Variants in CACNG5 observed in about 807,000 individuals in gnomAD.
CACNG5 encodes calcium voltage-gated channel auxiliary subunit gamma 5.
A neutral mutation model predicts 24.8 loss-of-function variants in CACNG5; 18 were observed. The observed-to-expected ratio is 0.73, with a 90% CI of 0.50 to 1.08. The LOEUF is 1.08. CACNG5 is among the 50% of genes least tolerant of loss of function. CACNG5 has a pLI of 0.00. For synonymous variants in CACNG5, 157 were observed against 149.1 expected (o/e 1.05, Z -0.39); for missense variants, 349 against 367.9 (o/e 0.95, Z 0.42).
chr17:66,859,076 C>G (rs2143068434), intron 1 of CACNG5, among the ~76,000 whole-genome samples: 1 of 152,324 alleles, frequency 6.6e-6, no homozygotes, highest in East Asian at 1.9e-4. Context: ...AGGCGCTCAG[C>G]TGTGCTCAGA....
At chr17:66,882,035 C>A (rs1157162473) in intron 4 of CACNG5, among the ~76,000 whole-genome samples, 1 of 151,910 alleles carries the variant, frequency 6.6e-6, no homozygotes, top group South Asian at 2.1e-4. Flanking sequence ...AATGACCATG[C>A]TGGGGAATGG....
Position 66,892,316 on chromosome 17 carries a change from G to A in CACNG5, c.*7076G>A, listed in dbSNP as rs1173623923. The stretch of plus-strand genomic sequence containing the variant: ...TTTCCCCAAGGAGCTGGTATTCACT[G>A]GTATTCACTGGTATGCAGCTAGAGC... On this transcript the variant is annotated 3_prime_UTR_variant, in exon 6 of 6. Transcript: ENST00000533854. 6.6e-6 allele frequency among the ~76,000 whole-genome samples: 1 copy of A among 152,186 alleles called. No homozygotes were observed. The highest frequency in any genetic ancestry group is 2.4e-5 in the African/African-American group (1 of 41,450).
intron 1 of CACNG5, among the ~76,000 whole-genome samples, chr17:66,839,569 T>G (rs1319068522): frequency 6.6e-6 from 1 of 150,816 alleles, no homozygotes; most frequent in African/African-American, 2.4e-5. Context: ...ACTGCACAGG[T>G]GACATTTATC....
At chr17:66,840,176 G>A (rs544631308) in intron 1 of CACNG5, among the ~76,000 whole-genome samples, 7 of 152,274 alleles carry the variant, frequency 4.6e-5, no homozygotes, top group South Asian at 2.1e-4. Context: ...CTGTGCACCC[G>A]TGCCAGAGAG....
intron 1 of CACNG5, among the ~76,000 whole-genome samples, chr17:66,835,713 T>C (rs1452569431): frequency 1.3e-5 from 2 of 152,102 alleles, no homozygotes; most frequent in African/African-American, 2.4e-5. Context: ...GTGGCCTCAT[T>C]TCTCCAGCTC....
chr17:66,886,938 C>T lies in CACNG5; in HGVS notation c.*1698C>T, dbSNP rs943099566. Among the ~76,000 whole-genome samples the T allele has an allele frequency of 6.6e-6, 1 of 152,172 alleles. No homozygotes were observed. The highest frequency in any genetic ancestry group is 1.5e-5 in the Non-Finnish European group (1 of 68,042). On this transcript the variant is annotated 3_prime_UTR_variant, in exon 6 of 6. Coordinates refer to ENST00000533854, the MANE Select transcript of CACNG5 (RefSeq NM_145811.3). ...TCTGTGTGCCCGTGTCCCTGGTGTC[C>T]CTCAGTGTGTCCACATTCCCTCTCC...
intron 1 of CACNG5, among the ~76,000 whole-genome samples, chr17:66,870,165 T>C (rs2143095316): frequency 6.6e-6 from 1 of 152,038 alleles, no homozygotes; most frequent in South Asian, 2.1e-4. Context: ...TTTGCGGGTG[T>C]GGAATTTGGG....
At chr17:66,840,041 C>T (rs907654668) in intron 1 of CACNG5, among the ~76,000 whole-genome samples, 10 of 152,152 alleles carry the variant, frequency 6.6e-5, no homozygotes, top group Non-Finnish European at 1.3e-4. Context: ...TCTTACTATC[C>T]GGGTGGCCTT....
intron 1 of CACNG5, among the ~76,000 whole-genome samples, chr17:66,852,000 G>A (rs1455095472): frequency 6.6e-6 from 1 of 152,224 alleles, no homozygotes; most frequent in Admixed American, 6.5e-5. Flanking sequence ...TGGCATGTGA[G>A]TTGGATCGAG....
rs544011814 is a variant in CACNG5, at chr17:66,887,237, G to A, written c.*1997G>A. On this transcript the variant is annotated 3_prime_UTR_variant, in exon 6 of 6. Coordinates refer to ENST00000533854, the MANE Select transcript of CACNG5 (RefSeq NM_145811.3). ...CCCAATTCAGCCACTCATTCACCAC[G>A]AATCCTTGGGCAACACCCTTCCACT... is the stretch of plus-strand genomic sequence containing the variant. Among the ~76,000 whole-genome samples, 2 of 152,184 alleles carry A rather than the reference G, an allele frequency of 1.3e-5. No homozygotes were observed. Among genetic ancestry groups the A allele is most frequent in the Admixed American group, 1.3e-4 (2 of 15,290 alleles).
chr17:66,844,105 G>A (rs1430866396), intron 1 of CACNG5, among the ~76,000 whole-genome samples: 1 of 152,160 alleles, frequency 6.6e-6, no homozygotes, highest in Non-Finnish European at 1.5e-5. Context: ...GAGGTAGCAG[G>A]ATGATAGAGT....
At chr17:66,850,969 C>G (rs1448386362) in intron 1 of CACNG5, among the ~76,000 whole-genome samples, 1 of 152,154 alleles carries the variant, frequency 6.6e-6, no homozygotes, top group African/African-American at 2.4e-5. Flanking sequence ...TATGTGCCAT[C>G]ATAGCTCAAG....
intron 1 of CACNG5, among the ~76,000 whole-genome samples, chr17:66,849,085 C>T (rs1027021932): frequency 4.6e-5 from 7 of 152,228 alleles, no homozygotes; most frequent in African/African-American, 1.7e-4. Flanking sequence ...GTTCACCCAG[C>T]TTCAAGATCA....
chr17:66,848,650 C>G (rs776856774), intron 1 of CACNG5, among the ~76,000 whole-genome samples: 3 of 152,176 alleles, frequency 2.0e-5, no homozygotes, highest in African/African-American at 7.2e-5. Flanking sequence ...AGAATTTTAC[C>G]TTGGCAGGGG....
At chr17:66,871,229 C>T (rs956207572) in intron 1 of CACNG5, among the ~76,000 whole-genome samples, 84 of 152,308 alleles carry the variant, frequency 5.5e-4, no homozygotes, top group African/African-American at 1.8e-3. Flanking sequence ...ACACTGGCTA[C>T]GCTGACACTG....
At chr17:66,839,149 A>G (rs1447265669) in intron 1 of CACNG5, among the ~76,000 whole-genome samples, 2 of 151,464 alleles carry the variant, frequency 1.3e-5, no homozygotes, top group Non-Finnish European at 2.9e-5. Flanking sequence ...TTTAGTAGAG[A>G]TGGGGTTTTC....
At chr17:66,860,617 G>A (rs557350834) in intron 1 of CACNG5, among the ~76,000 whole-genome samples, 4 of 139,146 alleles carry the variant, frequency 2.9e-5, no homozygotes, top group Non-Finnish European at 4.6e-5. Context: ...TGTGTTGCTG[G>A]AAGAGCCACT....
rs1467106975 is a variant in CACNG5 at position 66,893,312 on chromosome 17, A to G, written c.*8072A>G. Among the ~76,000 whole-genome samples, 1 of 152,116 alleles carries G rather than the reference A, an allele frequency of 6.6e-6. No homozygotes were observed. Among genetic ancestry groups the G allele is most frequent in the East Asian group, 1.9e-4 (1 of 5,196 alleles). ...GGAAGGAAAGGTCTAAATGCAAACA[A>G]CGGTGATGTGTCGTTTCCTGAAAGC... is the stretch of plus-strand genomic sequence containing the variant. On this transcript the variant is annotated 3_prime_UTR_variant, in exon 6 of 6. Transcript: ENST00000533854.
At chr17:66,858,624 T>G (rs957062619) in intron 1 of CACNG5, among the ~76,000 whole-genome samples, 1 of 152,102 alleles carries the variant, frequency 6.6e-6, no homozygotes, top group African/African-American at 2.4e-5. Context: ...ACCAGTGCTC[T>G]CCGATGCCCA....
Sources: gnomAD v4.1 joint callset for allele counts (sites outside exome capture counted in the v4.1 genomes callset) on GRCh38, gnomAD v4.1.1 for gene constraint, MANE v1.5 for transcripts, NCBI Gene and HGNC (gene_info 2026-07-23, HGNC 2026-07-21) for gene names.